The following C12orf42 variants were observed in gnomAD, a reference collection of about 807,000 sequenced individuals.
The protein encoded by C12orf42 is uncharacterized protein C12orf42.
Under a neutral mutation model 21.6 loss-of-function variants are expected in C12orf42, and 25 were observed. The observed-to-expected ratio is 1.16, with a 90% CI of 0.84 to 1.62. The LOEUF (loss-of-function observed/expected upper bound fraction) is 1.62, where lower values mean the gene tolerates loss of function less well. Ranked by LOEUF, C12orf42 falls within the 40% of genes most tolerant of loss-of-function variation. C12orf42 has a pLI of 0.00. For missense variants in C12orf42, 483 were observed against 459.3 expected, an observed-to-expected ratio of 1.05 and a Z score of -0.47; for synonymous variants, 174 against 175.0, an observed-to-expected ratio of 0.99 and a Z score of 0.05.
intron 3 of C12orf42, among the ~76,000 whole-genome samples, chr12:103,395,639 C>A (rs2047465985): frequency 6.6e-6 from 1 of 152,050 alleles, no homozygotes; most frequent in Non-Finnish European, 1.5e-5. Context: ...CAGGTCCAGA[C>A]CCATTATTCT....
chr12:103,207,415 C>G, the C12orf42 span, among the ~76,000 whole-genome samples: 7 of 152,338 alleles, frequency 4.6e-5, no homozygotes, highest in African/African-American at 1.7e-4. Context: ...ACGTTGCCTT[C>G]TTTCCTTTGT....
the C12orf42 span, among the ~76,000 whole-genome samples, chr12:103,224,863 C>T: frequency 6.6e-6 from 1 of 152,042 alleles, no homozygotes; most frequent in Admixed American, 6.6e-5. Flanking sequence ...AGAATTCTGA[C>T]CACACTATGC....
the C12orf42 span, chr12:103,081,476 A>G: frequency 1.3e-5 from 2 of 152,016 alleles, no homozygotes; most frequent in Non-Finnish European, 2.9e-5. Context: ...CTAGGATCCC[A>G]TATCTTTTAT....
chr12:103,394,721 G>A (rs2047369576), intron 3 of C12orf42, among the ~76,000 whole-genome samples: 1 of 152,164 alleles, frequency 6.6e-6, no homozygotes, highest in Non-Finnish European at 1.5e-5. Flanking sequence ...GCTTTAGTGG[G>A]CAGCTTATTG....
intron 10 of C12orf42, among the ~76,000 whole-genome samples, chr12:103,240,181 A>G (rs1194755014): frequency 1.3e-5 from 2 of 152,160 alleles, no homozygotes; most frequent in Non-Finnish European, 2.9e-5. Flanking sequence ...AATCTTCACC[A>G]TGTATTTCTT....
chr12:103,541,631 C>T, the C12orf42 span, among the ~76,000 whole-genome samples: 4 of 152,034 alleles, frequency 2.6e-5, no homozygotes, highest in Admixed American at 6.5e-5. Context: ...ATGTTTTTAT[C>T]ATTATTTTAA....
chr12:103,529,209 A>G, the C12orf42 span, among the ~76,000 whole-genome samples: 1 of 152,222 alleles, frequency 6.6e-6, no homozygotes, highest in East Asian at 1.9e-4. Context: ...GAACAGTAGC[A>G]CAAGATCTCA....
chr12:103,474,022 G>A lies in C12orf42; in HGVS notation c.78+4327C>T, dbSNP rs17034010. ...AGGTTTTTATTCCCTGAGTTTTGAC[G>A]GGGTTTTGGTTCATTGTTTAGAGTA... On this transcript the variant is annotated intron_variant, in intron 2 of 5. Coordinates refer to ENST00000548883, the MANE Select transcript of C12orf42 (RefSeq NM_198521.5). 1.2e-3 allele frequency among the ~76,000 whole-genome samples: 177 copies of A among 152,022 alleles called. 3 individuals carry two copies. In the East Asian group the frequency reaches 0.031, roughly 27 times the overall value.
the C12orf42 span, among the ~76,000 whole-genome samples, chr12:103,561,613 A>T: frequency 2.0e-4 from 30 of 152,310 alleles, no homozygotes; most frequent in Middle Eastern, 3.4e-3. Context: ...AAGGGTTAGG[A>T]TTTCAACGTA....
chr12:103,082,136 A>T, the C12orf42 span, among the ~76,000 whole-genome samples: 1 of 152,220 alleles, frequency 6.6e-6, no homozygotes, highest in South Asian at 2.1e-4. Flanking sequence ...GATAGAGTCC[A>T]TTTGGGTTAA....
intron 5 of C12orf42, among the ~76,000 whole-genome samples, chr12:103,275,480 A>G (rs1459573090): frequency 3.3e-5 from 5 of 152,156 alleles, no homozygotes. Context: ...CAAAAACTAG[A>G]CTAAGATAGT....
the C12orf42 span, among the ~76,000 whole-genome samples, chr12:103,542,060 C>T: frequency 6.6e-6 from 1 of 152,188 alleles, no homozygotes; most frequent in South Asian, 2.1e-4. Flanking sequence ...AAAATTGAGA[C>T]AGGCCTACAT....
At chr12:103,519,557 A>G in the C12orf42 span, among the ~76,000 whole-genome samples, 1 of 152,172 alleles carries the variant, frequency 6.6e-6, no homozygotes, top group South Asian at 2.1e-4. Context: ...CTTCTCATCT[A>G]GTTAATGTGA....
At chr12:103,119,074 C>A in the C12orf42 span, among the ~76,000 whole-genome samples, 1 of 152,140 alleles carries the variant, frequency 6.6e-6, no homozygotes, top group African/African-American at 2.4e-5. Context: ...ACGGATATCA[C>A]TTGCCAGATT....
intron 4 of C12orf42, among the ~76,000 whole-genome samples, chr12:103,338,493 C>A (rs1050585158): frequency 6.6e-6 from 1 of 152,190 alleles, no homozygotes; most frequent in African/African-American, 2.4e-5. Context: ...GTACAGCAAG[C>A]GCTTCTAAGA....
downstream of C12orf42, chr12:103,268,047 C>T (rs1447260646): frequency 6.6e-6 from 1 of 152,114 alleles, no homozygotes; most frequent in African/African-American, 2.4e-5. Flanking sequence ...ACACCTTCCT[C>T]TTTGTTTTTA....
chr12:103,418,340 A>G (rs1305865544), intron 2 of C12orf42, among the ~76,000 whole-genome samples: 3 of 152,156 alleles, frequency 2.0e-5, no homozygotes, highest in Non-Finnish European at 4.4e-5. Context: ...GCCTACTCTT[A>G]TCTAACATAT....
intron 4 of C12orf42, among the ~76,000 whole-genome samples, chr12:103,348,017 C>T (rs1342363227): frequency 6.6e-6 from 1 of 152,104 alleles, no homozygotes; most frequent in Non-Finnish European, 1.5e-5. Context: ...ATGATTACTA[C>T]TGTATGATAA....
chr12:103,510,653 A>T, the C12orf42 span, among the ~76,000 whole-genome samples: 4 of 152,166 alleles, frequency 2.6e-5, no homozygotes, highest in Admixed American at 6.5e-5. Context: ...TAAAACAATC[A>T]TTTCATTTTG....
Sources: gnomAD v4.1 joint callset for allele counts (sites outside exome capture counted in the v4.1 genomes callset) on GRCh38, gnomAD v4.1.1 for gene constraint, MANE v1.5 for transcripts, NCBI Gene and HGNC (gene_info 2026-07-23, HGNC 2026-07-21) for gene names.